The following MYH6 variants were observed in gnomAD, a reference collection of about 807,000 sequenced individuals.
MYH6 encodes myosin heavy chain 6.
In MYH6, 126 loss-of-function variants were observed where a neutral mutation model predicts 223.2. That is an observed-to-expected ratio of 0.56 (90% CI 0.49 to 0.65). MYH6 has a LOEUF of 0.65. Among genes scored for constraint, MYH6 ranks in the 30% least tolerant of loss-of-function variants. MYH6 has a pLI of 0.00. For synonymous variants in MYH6, 978 were observed against 1,010.2 expected, an observed-to-expected ratio of 0.97 and a Z score of 0.61; for missense variants, 2,040 against 2,536.4, an observed-to-expected ratio of 0.80 and a Z score of 4.20.
intron 36 of MYH6, among the ~76,000 whole-genome samples, chr14:23,384,035 G>A (rs555684114): frequency 7.9e-5 from 12 of 152,102 alleles, no homozygotes; most frequent in East Asian, 1.9e-4. Context: ...GAGCATTCTA[G>A]GGTCCTCTTT....
chr14:23,396,768 T>C lies in MYH6; in HGVS notation c.2218A>G (p.Ser740Gly). The part of the protein sequence containing the change: ...VAIPEGQFID[S>G]RKGTEKLLSS... ...AGCAGCTTCTCTGTCCCCTTCCTGCTATCAATGAACTGTCCCTCAGGGATG... is the reference window on the plus strand; with the variant it reads ...AGCAGCTTCTCTGTCCCCTTCCTGCCATCAATGAACTGTCCCTCAGGGATG... Residue 740 changes from serine (S) to glycine (G), a missense_variant, in exon 19 of 39, where the codon AGC (serine) becomes GGC (glycine). Transcript: ENST00000405093. 1 of 1,613,992 alleles carries C rather than the reference T, an allele frequency of 6.2e-7. No individual in the cohort carries two copies. Among genetic ancestry groups the C allele is most frequent in the Non-Finnish European group, 8.5e-7 (1 of 1,179,868 alleles).
rs761085263 is a variant in MYH6 at position 23,400,351 on chromosome 14, C to G, written c.1486G>C (p.Val496Leu). 1.2e-5 allele frequency: 19 copies of G among 1,614,164 alleles called. No homozygotes were observed. Among genetic ancestry groups the G allele is most frequent in the Non-Finnish European group, 1.6e-5 (19 of 1,180,024 alleles). ...TTCTTGTACTCCTCCTGCTCCAGCA[C>G]GAACATGTGGTGGTTGAAGAACTGC... The part of the protein sequence containing the change: ...LQQFFNHHMF[V>L]LEQEEYKKEG... The change falls in exon 14 of 39, where the codon GTG (valine) becomes CTG (leucine). Residue 496 changes from valine to leucine, a missense_variant. Val to Leu is a conservative substitution (Grantham distance 32). Transcript: ENST00000405093.
chr14:23,385,273 G>A (rs1236737542), intron 34 of MYH6, among the ~76,000 whole-genome samples: 3 of 151,656 alleles, frequency 2.0e-5, no homozygotes, highest in African/African-American at 7.3e-5. Context: ...AATAGCAAAA[G>A]GTCTGCAGTA....
intron 36 of MYH6, among the ~76,000 whole-genome samples, 157 bp from the exon 37 acceptor site, chr14:23,383,477 C>T (rs1332410751): frequency 6.6e-6 from 1 of 152,118 alleles, no homozygotes; most frequent in East Asian, 1.9e-4. Flanking sequence ...CTGACTCTAT[C>T]GTAGGTCAAA....
chr14:23,404,975 T>A, intron 6 of MYH6, 125 bp downstream of exon 6: 1 of 1,527,850 alleles, frequency 6.5e-7, no homozygotes, highest in African/African-American at 1.4e-5. Flanking sequence ...ACCCCTCTAA[T>A]GAGAGCTCAG....
intron 12 of MYH6, among the ~76,000 whole-genome samples, chr14:23,402,126 A>T (rs1452669555): frequency 6.6e-6 from 1 of 152,232 alleles, no homozygotes; most frequent in South Asian, 2.1e-4. Context: ...ACAACATGGT[A>T]TGAGCCCACG....
At chr14:23,398,599 G>T in intron 15 of MYH6, 129 bp downstream of exon 15, 1 of 1,055,826 alleles carries the variant, frequency 9.5e-7, no homozygotes, top group Non-Finnish European at 1.5e-6. Context: ...GGTGAGGTGA[G>T]CCAGGAGGTG....
At chr14:23,397,339 C>T (rs1891429954) in intron 16 of MYH6, 82 bp from the exon 17 acceptor site, 3 of 1,406,096 alleles carry the variant, frequency 2.1e-6, no homozygotes, top group Admixed American at 1.7e-5. Context: ...AGACACTCTC[C>T]ACCAGAATCA....
chr14:23,386,471 G>A lies in MYH6; in HGVS notation c.4803C>T (p.Thr1601=). 6.2e-7 allele frequency: 1 copy of A among 1,614,172 alleles called. No homozygotes were observed. ...NHQRVVDSLQ[T]SLDAETRSRN... ...GGCTGCGTGTCTCTGCATCCAGGGA[G>A]GTCTGCAGCGAGTCCACCACCCGCT... Residue 1601 remains threonine, a synonymous_variant, in exon 33 of 39, where the codon ACC becomes ACT. Transcript: ENST00000405093.
chr14:23,384,092 C>T (rs73604564), intron 36 of MYH6, among the ~76,000 whole-genome samples: 6,828 of 151,874 alleles, frequency 0.045, 471 homozygotes, highest in African/African-American at 0.15. Context: ...GGAAGATTTC[C>T]GGGTCTTTTC....
At chr14:23,404,890 A>G (rs896541167) in intron 6 of MYH6, 68 bp from the exon 7 acceptor site, 2 of 1,534,332 alleles carry the variant, frequency 1.3e-6, no homozygotes, top group Non-Finnish European at 9.0e-7. Context: ...TCAGCATCAC[A>G]TGCTCCCCTT....
At position 23,400,237 on chromosome 14, in the gene MYH6, G is replaced by A. The variant is rs201495432; in HGVS notation, c.1581+19C>T. 1.9e-6 allele frequency: 3 copies of A among 1,614,200 alleles called. No homozygotes were observed. The highest frequency in any genetic ancestry group is 2.5e-6 in the Non-Finnish European group (3 of 1,180,032). On this transcript the variant is annotated intron_variant, in intron 14 of 38. Transcript: ENST00000405093. ...GGATGGCAGAGGAGGGGGCATAGGTGGTGAGGCCAAGGAGGCACCTTCTCG... is the reference window on the plus strand; with the variant it reads ...GGATGGCAGAGGAGGGGGCATAGGTAGTGAGGCCAAGGAGGCACCTTCTCG...
rs772833121 is a variant in MYH6 at position 23,386,624 on chromosome 14, C to T, written c.4651-1G>A. Reference sequence around the variant, plus strand: ...TGCCCTCCTCGTGCTCCAGGGAGGCCTGGGAAGGGGTGGGGCGAGGGCGGG... The same window carrying T: ...TGCCCTCCTCGTGCTCCAGGGAGGCTTGGGAAGGGGTGGGGCGAGGGCGGG... On this transcript the variant is annotated splice_acceptor_variant, in intron 32 of 38. Transcript: ENST00000405093. LOFTEE classifies it high-confidence loss of function. 6.8e-7 allele frequency: 1 copy of T among 1,479,772 alleles called. No individual in the cohort carries two copies. The highest frequency in any genetic ancestry group is 1.1e-5 in the South Asian group (1 of 88,280). 91.7% of individuals were successfully genotyped at this position (1,479,772 alleles called of 1,614,324 possible).
rs759126258 is a variant in MYH6 at position 23,383,225 on chromosome 14, C to G, written c.5661G>C (p.Ala1887=). The change falls in exon 37 of 39, where the codon GCG becomes GCC. Residue 1887 remains alanine, a splice_region_variant and synonymous_variant. Transcript: ENST00000405093. ...AAAGGGAAGAAAGCTCTGAACTCAC[C>G]GCCTCCTCGGCCTGGCGCTTGTAGG... ...VKAYKRQAEE[A]EEQANTNLSK... The G allele has an allele frequency of 6.2e-7, 1 of 1,611,208 alleles. No homozygotes were observed. Among genetic ancestry groups the G allele is most frequent in the Non-Finnish European group, 8.5e-7 (1 of 1,178,656 alleles).
At position 23,408,260 on chromosome 14, in the gene MYH6, G is replaced by T. The variant is rs993021475; in HGVS notation, c.-54C>A. ...CCCCAAACCTCCTCTTACCTGGGCCGCAGGAGTCTCTCTATCTGTCCTCAA... is the reference window on the plus strand; with the variant it reads ...CCCCAAACCTCCTCTTACCTGGGCCTCAGGAGTCTCTCTATCTGTCCTCAA... On this transcript the variant is annotated 5_prime_UTR_variant, in exon 1 of 39. Transcript: ENST00000405093. 1.4e-5 allele frequency: 14 copies of T among 985,328 alleles called. No individual in the cohort carries two copies. The highest frequency in any genetic ancestry group is 1.4e-5 in the Non-Finnish European group (12 of 829,966). 61.0% of individuals were successfully genotyped at this position (985,328 alleles called of 1,614,324 possible). A position where few individuals can be genotyped will look rare whatever the true frequency, so the allele number is the denominator to read the frequency against.
intron 25 of MYH6, among the ~76,000 whole-genome samples, chr14:23,391,624 C>G (rs1470483391): frequency 6.6e-6 from 1 of 152,198 alleles, no homozygotes; most frequent in Non-Finnish European, 1.5e-5. Context: ...CTCTTTCTAC[C>G]AGCCACAGTC....
chr14:23,398,162 C>T (rs1206998215), intron 15 of MYH6, among the ~76,000 whole-genome samples: 1 of 151,988 alleles, frequency 6.6e-6, no homozygotes, highest in African/African-American at 2.4e-5. Flanking sequence ...GGACTACAGG[C>T]AGGTGCCACC....
rs1566512422 is a variant in MYH6, at chr14:23,397,950, T to TTCC, written c.1892-338_1892-337insGGA. ...CCTCCTCCTCTTCTTCTTCTTCTTC[T>TTCC]TCTTCTTCTTCTTCTTCTTCTTCTT... is the stretch of plus-strand genomic sequence containing the variant. On this transcript the variant is annotated intron_variant, in intron 15 of 38. Coordinates refer to ENST00000405093, the MANE Select transcript of MYH6 (RefSeq NM_002471.4). Among the ~76,000 whole-genome samples the TTCC allele has an allele frequency of 1.2e-3, 95 of 80,920 alleles. 3 individuals are homozygous for TTCC. The highest frequency in any genetic ancestry group is 5.2e-3 in the African/African-American group (92 of 17,564). 53.1% of individuals were successfully genotyped at this position (80,920 alleles called of 152,430 possible).
intron 3 of MYH6, among the ~76,000 whole-genome samples, chr14:23,406,708 C>T (rs1448340389): frequency 1.3e-5 from 2 of 152,186 alleles, no homozygotes; most frequent in African/African-American, 4.8e-5. Flanking sequence ...GATACAAGTG[C>T]AAGAAGGGGG....
Sources: gnomAD v4.1 joint callset for allele counts (sites outside exome capture counted in the v4.1 genomes callset) on GRCh38, gnomAD v4.1.1 for gene constraint, MANE v1.5 for transcripts, NCBI Gene and HGNC (gene_info 2026-07-23, HGNC 2026-07-21) for gene names.